SGCD: variants seen among roughly 807,000 people sequenced by gnomAD.
SGCD encodes sarcoglycan delta, also known as delta-sarcoglycan.
In SGCD, 18 loss-of-function variants were observed where a neutral mutation model predicts 36.6. That is an observed-to-expected ratio of 0.49 (90% CI 0.34 to 0.73). The LOEUF (loss-of-function observed/expected upper bound fraction) is 0.73. SGCD is among the 30% of genes least tolerant of loss of function. The probability of loss-of-function intolerance (pLI) is 0.01; values close to 1 mark genes in which losing one functional copy is unlikely to be tolerated. For synonymous variants in SGCD, 133 were observed against 130.6 expected (o/e 1.02, Z -0.12); for missense variants, 387 against 346.7 (o/e 1.12, Z -0.92).
intron 7 of SGCD, among the ~76,000 whole-genome samples, chr5:156,686,446 A>G (rs1218518873): frequency 6.6e-6 from 1 of 152,150 alleles, no homozygotes; most frequent in African/African-American, 2.4e-5. Flanking sequence ...GGTAGAAGCC[A>G]AGGTTGCTTT....
At chr5:156,115,713 T>C (rs945921484) in intron 1 of SGCD, among the ~76,000 whole-genome samples, 4 of 152,112 alleles carry the variant, frequency 2.6e-5, no homozygotes, top group South Asian at 2.1e-4. Flanking sequence ...TATTAATCCA[T>C]AGTTTTCCCA....
At chr5:156,695,885 G>A in intron 7 of SGCD, among the ~76,000 whole-genome samples, 1 of 152,196 alleles carries the variant, frequency 6.6e-6, no homozygotes. Flanking sequence ...TGACTTGGAG[G>A]AAGATGTCTG....
chr5:155,930,549 T>C (rs2113390249), intron 1 of SGCD, among the ~76,000 whole-genome samples: 1 of 152,266 alleles, frequency 6.6e-6, no homozygotes, highest in African/African-American at 2.4e-5. Context: ...CTTCTTTGAG[T>C]CAGTGAGACT....
At chr5:155,894,347 T>G (rs1255415318) in intron 1 of SGCD, among the ~76,000 whole-genome samples, 1 of 152,178 alleles carries the variant, frequency 6.6e-6, no homozygotes, top group Non-Finnish European at 1.5e-5. Flanking sequence ...GTGCCATATA[T>G]GTGGGCCATC....
intron 3 of SGCD, among the ~76,000 whole-genome samples, chr5:156,312,122 G>A (rs191854850): frequency 2.6e-5 from 4 of 152,266 alleles, no homozygotes; most frequent in East Asian, 1.9e-4. Context: ...ATGCCTACAC[G>A]TACCAAAGGT....
At chr5:156,136,109 T>C (rs769137885) in intron 3 of SGCD, among the ~76,000 whole-genome samples, 5 of 152,186 alleles carry the variant, frequency 3.3e-5, no homozygotes, top group Non-Finnish European at 5.9e-5. Flanking sequence ...TCTGTGTTTT[T>C]ATATTTATTT....
At position 156,764,419 on chromosome 5, in the gene SGCD, C is replaced by G. The variant is rs1469067787; in HGVS notation, c.*5029C>G. On this transcript the variant is annotated 3_prime_UTR_variant, in exon 9 of 9. Coordinates refer to ENST00000337851, the MANE Select transcript of SGCD (RefSeq NM_000337.6). ...AGCAGTCTGAAGCCTGCTGCTTCAGCCAGCACAGCACACCACACACGCTCG... is the reference window on the plus strand; with the variant it reads ...AGCAGTCTGAAGCCTGCTGCTTCAGGCAGCACAGCACACCACACACGCTCG... 2.0e-5 allele frequency: 3 copies of G among 152,600 alleles called. No homozygotes were observed. Among genetic ancestry groups the G allele is most frequent in the African/African-American group, 7.2e-5 (3 of 41,444 alleles). 9.5% of individuals were successfully genotyped at this position (152,600 alleles called of 1,614,324 possible). A position where few individuals can be genotyped will look rare whatever the true frequency, so the allele number is the denominator to read the frequency against.
chr5:156,078,655 C>T (rs1760865845), intron 1 of SGCD, among the ~76,000 whole-genome samples: 1 of 146,448 alleles, frequency 6.8e-6, no homozygotes, highest in Admixed American at 6.9e-5. Context: ...TACACACACA[C>T]ATATATATAC....
intron 3 of SGCD, among the ~76,000 whole-genome samples, chr5:156,506,082 A>G (rs2127871340): frequency 6.6e-6 from 1 of 152,336 alleles, no homozygotes; most frequent in African/African-American, 2.4e-5. Context: ...CTAGTAGGAT[A>G]TACTTTAAAG....
intron 3 of SGCD, among the ~76,000 whole-genome samples, chr5:156,163,837 G>A (rs1763147200): frequency 6.6e-6 from 1 of 151,094 alleles, no homozygotes; most frequent in African/African-American, 2.5e-5. Context: ...TGGCTAACAT[G>A]ATGAAACCCC....
intron 3 of SGCD, among the ~76,000 whole-genome samples, chr5:156,498,527 G>A (rs977604919): frequency 1.3e-5 from 2 of 152,120 alleles, no homozygotes; most frequent in African/African-American, 4.8e-5. Context: ...GCAATATGTG[G>A]TCTTTTATGT....
chr5:156,394,643 A>G (rs1174624895), intron 3 of SGCD, among the ~76,000 whole-genome samples: 4 of 152,244 alleles, frequency 2.6e-5, no homozygotes, highest in Non-Finnish European at 5.9e-5. Context: ...AAAAACTAAT[A>G]TGTTAATGTG....
chr5:156,030,880 A>G (rs943467499), intron 1 of SGCD, among the ~76,000 whole-genome samples: 2 of 152,208 alleles, frequency 1.3e-5, no homozygotes, highest in African/African-American at 4.8e-5. Flanking sequence ...TATACCATGG[A>G]CTGTGTCTAG....
chr5:155,803,897 AAAG>A, the SGCD span, among the ~76,000 whole-genome samples: 1 of 152,226 alleles, frequency 6.6e-6, no homozygotes, highest in African/African-American at 2.4e-5. Flanking sequence ...GCAGCACAAT[AAAG>A]AACTGCTGTA....
chr5:156,464,216 ATTTTT>A (rs773294916), intron 3 of SGCD, among the ~76,000 whole-genome samples: 1 of 116,300 alleles, frequency 8.6e-6, no homozygotes, highest in Non-Finnish European at 1.7e-5. Flanking sequence ...GAATCTACAT[ATTTTT>A]TTTTTTTTTT....
intron 1 of SGCD, among the ~76,000 whole-genome samples, chr5:155,972,728 C>T (rs1758031247): frequency 6.6e-6 from 1 of 152,170 alleles, no homozygotes; most frequent in African/African-American, 2.4e-5. Context: ...TCCACGCTAG[C>T]ACCAGGTATC....
chr5:156,151,288 TAGTC>T (rs1762828233), intron 3 of SGCD, among the ~76,000 whole-genome samples: 1 of 151,656 alleles, frequency 6.6e-6, no homozygotes, highest in Admixed American at 6.6e-5. Flanking sequence ...CTAAAAGCAA[TAGTC>T]AGGCCTTTCT....
At chr5:155,849,195 A>G in the SGCD span, among the ~76,000 whole-genome samples, 2 of 152,282 alleles carry the variant, frequency 1.3e-5, no homozygotes, top group African/African-American at 4.8e-5. Context: ...CACAGTGTGA[A>G]AGCTCCTTCT....
At chr5:156,618,265 G>A (rs1762095216) in intron 6 of SGCD, among the ~76,000 whole-genome samples, 1 of 152,156 alleles carries the variant, frequency 6.6e-6, no homozygotes, top group Non-Finnish European at 1.5e-5. Context: ...ACCACCTTCT[G>A]CTCCCAGTTA....
Sources: allele counts gnomAD v4.1 joint callset (sites outside exome capture counted in the v4.1 genomes callset), GRCh38; gene constraint gnomAD v4.1.1; transcripts MANE v1.5; gene names NCBI Gene and HGNC (gene_info 2026-07-23, HGNC 2026-07-21).